The following ALKBH8 variants were observed in gnomAD, a reference collection of about 807,000 sequenced individuals.
ALKBH8 encodes alkB homolog 8, tRNA methyltransferase, also known as tRNA (carboxymethyluridine(34)-5-O)-methyltransferase ALKBH8.
ALKBH8 carries 36 observed loss-of-function variants against 59.8 expected under a neutral mutation model. The ratio of observed to expected loss-of-function variants is 0.60; its 90% CI spans 0.46 to 0.79. The LOEUF (loss-of-function observed/expected upper bound fraction) is 0.79. Among genes scored for constraint, ALKBH8 ranks in the 30% least tolerant of loss-of-function variants. The probability of loss-of-function intolerance (pLI) is 0.00; values close to 1 mark genes in which losing one functional copy is unlikely to be tolerated. For synonymous variants in ALKBH8, 276 were observed against 273.6 expected (o/e 1.01, Z -0.09); for missense variants, 768 against 801.0 (o/e 0.96, Z 0.50).
intron 7 of ALKBH8, among the ~76,000 whole-genome samples, chr11:107,538,567 G>C (rs1021728884): frequency 6.6e-6 from 1 of 152,188 alleles, no homozygotes; most frequent in Non-Finnish European, 1.5e-5. Context: ...GGGCATGACT[G>C]AGGATAATGT....
chr11:107,517,247 C>T (rs80079605), intron 10 of ALKBH8, among the ~76,000 whole-genome samples: 7,387 of 152,010 alleles, frequency 0.049, 369 homozygotes, highest in East Asian at 0.22. Context: ...TGGCCATTAT[C>T]AAAGAGACAA....
chr11:107,540,560 T>C (rs1458146757), intron 7 of ALKBH8, among the ~76,000 whole-genome samples: 2 of 152,202 alleles, frequency 1.3e-5, no homozygotes, highest in Non-Finnish European at 2.9e-5. Context: ...TTAGCCACCA[T>C]TGCACATCCA....
Position 107,503,353 on chromosome 11 carries a change from T to G in ALKBH8, c.*1305A>C, listed in dbSNP as rs1258624325. ...TTGATCACTATAGGTTTCTGAAAAC[T>G]TGATGCTTCAAGATTAAGTATCACT... is the stretch of plus-strand genomic sequence containing the variant. On this transcript the variant is annotated 3_prime_UTR_variant, in exon 12 of 12. Transcript: ENST00000428149. The G allele has an allele frequency of 1.3e-5, 2 of 152,184 alleles. No individual in the cohort carries two copies. The highest frequency in any genetic ancestry group is 4.8e-5 in the African/African-American group (2 of 41,456). The allele number at this position is 152,184 out of a possible 1,614,324, so 9.4% of individuals were successfully genotyped here.
chr11:107,545,660 C>A (rs1464797556), intron 7 of ALKBH8, among the ~76,000 whole-genome samples: 1 of 152,206 alleles, frequency 6.6e-6, no homozygotes, highest in Non-Finnish European at 1.5e-5. Flanking sequence ...AAAATTAGTA[C>A]TTGCCCAAAT....
At chr11:107,510,811 C>T (rs1246356070) in intron 11 of ALKBH8, 76 bp downstream of exon 11, 7 of 1,479,790 alleles carry the variant, frequency 4.7e-6, no homozygotes, top group Non-Finnish European at 6.3e-6. Context: ...AAACAGGGTC[C>T]AAAATCAGCA....
chr11:107,543,023 G>T (rs182725385), intron 7 of ALKBH8, among the ~76,000 whole-genome samples: 43 of 152,282 alleles, frequency 2.8e-4, no homozygotes, highest in African/African-American at 1.0e-3. Context: ...GAATGACAGT[G>T]GACGGTGAAT....
At chr11:107,559,037 C>G (rs532611978) in intron 2 of ALKBH8, among the ~76,000 whole-genome samples, 1 of 152,278 alleles carries the variant, frequency 6.6e-6, no homozygotes, top group African/African-American at 2.4e-5. Context: ...GGGCCATTTC[C>G]CCTATAATGT....
At chr11:107,547,454 A>C (rs1299760889) in intron 7 of ALKBH8, among the ~76,000 whole-genome samples, 2 of 152,202 alleles carry the variant, frequency 1.3e-5, no homozygotes, top group African/African-American at 4.8e-5. Context: ...GAACAGATAC[A>C]CCTGAAGGAG....
intron 1 of ALKBH8, chr11:107,565,326 C>G: frequency 1.8e-6 from 1 of 551,038 alleles, no homozygotes; most frequent in Non-Finnish European, 3.3e-6. Flanking sequence ...CATGTTGCAA[C>G]CGTCCTCTCC....
chr11:107,551,705 A>AT (rs1555050253), intron 6 of ALKBH8, 103 bp downstream of exon 6: 302 of 305,622 alleles, frequency 9.9e-4, no homozygotes, highest in African/African-American at 4.0e-3. Context: ...AAAAAAAAAA[A>AT]AATAATAATA....
chr11:107,537,528 G>C (rs992785472), intron 7 of ALKBH8, among the ~76,000 whole-genome samples: 2 of 151,994 alleles, frequency 1.3e-5, no homozygotes, highest in Non-Finnish European at 2.9e-5. Context: ...CACATTGAGG[G>C]GGAACATCAC....
intron 10 of ALKBH8, among the ~76,000 whole-genome samples, chr11:107,512,800 G>GGT (rs1862693864): frequency 1.3e-5 from 2 of 152,258 alleles, no homozygotes; most frequent in Non-Finnish European, 2.9e-5. Context: ...GCCCTTCTGA[G>GGT]AATAAAGACT....
rs1185982624 is a variant in ALKBH8 at position 107,504,591 on chromosome 11, T to C, written c.*67A>G. 31 of 1,514,874 alleles carry C rather than the reference T, an allele frequency of 2.0e-5. No individual in the cohort carries two copies. The highest frequency in any genetic ancestry group is 2.8e-5 in the Non-Finnish European group (31 of 1,120,748). The allele number at this position is 1,514,874 out of a possible 1,614,324, so 93.8% of individuals were successfully genotyped here. A position where few individuals can be genotyped will look rare whatever the true frequency, so the allele number is the denominator to read the frequency against. On this transcript the variant is annotated 3_prime_UTR_variant, in exon 12 of 12. Coordinates refer to ENST00000428149, the MANE Select transcript of ALKBH8 (RefSeq NM_138775.3). The stretch of plus-strand genomic sequence containing the variant: ...TTTTCTCTTTAATTAAAAGGGTAAT[T>C]AATTTATTCTCTCTTTTTTTTTAAG...
chr11:107,552,601 GA>G (rs1462360667), intron 5 of ALKBH8, among the ~76,000 whole-genome samples: 1 of 152,158 alleles, frequency 6.6e-6, no homozygotes, highest in Non-Finnish European at 1.5e-5. Context: ...ACAGGTTGGG[GA>G]ATGGGGAAGT....
intron 10 of ALKBH8, among the ~76,000 whole-genome samples, chr11:107,516,828 C>T (rs935516147): frequency 1.8e-4 from 27 of 152,258 alleles, no homozygotes; most frequent in African/African-American, 6.5e-4. Context: ...TCACTTGAGA[C>T]CAGCCTGGGC....
intron 10 of ALKBH8, among the ~76,000 whole-genome samples, chr11:107,513,388 C>A (rs189605743): frequency 1.2e-4 from 19 of 152,050 alleles, no homozygotes; most frequent in African/African-American, 4.3e-4. Context: ...TTTAAAAAGT[C>A]AAAAAAATAA....
intron 7 of ALKBH8, among the ~76,000 whole-genome samples, chr11:107,537,550 T>C (rs1863869544): frequency 6.6e-6 from 1 of 151,578 alleles, no homozygotes; most frequent in African/African-American, 2.4e-5. Context: ...CACTGGGGCC[T>C]GTTGGAGGGG....
chr11:107,540,398 T>C (rs369293856), intron 7 of ALKBH8, among the ~76,000 whole-genome samples: 70 of 152,330 alleles, frequency 4.6e-4, no homozygotes, highest in African/African-American at 1.6e-3. Context: ...CTGTTTTGTC[T>C]AGCTAAGCTC....
chr11:107,505,200 C>T lies in ALKBH8; in HGVS notation c.1453G>A (p.Ala485Thr), dbSNP rs1462805674. 6.5e-7 allele frequency: 1 copy of T among 1,545,470 alleles called. No individual in the cohort carries two copies. The highest frequency in any genetic ancestry group is 8.7e-7 in the Non-Finnish European group (1 of 1,143,652). The change falls in exon 12 of 12, where the codon GCT becomes ACT. Residue 485 changes from alanine to threonine, a missense_variant. Transcript: ENST00000428149. ...AGGAGTCGAACAATTTCTTGGAGAG[C>T]TGCCACTCTACGCTCCTAATGAAAA... ...HFATAERRVAALQEIVRLLRP... is the reference protein window; with the variant it reads ...HFATAERRVATLQEIVRLLRP...
Sources: allele counts gnomAD v4.1 joint callset (sites outside exome capture counted in the v4.1 genomes callset), GRCh38; gene constraint gnomAD v4.1.1; transcripts MANE v1.5; gene names NCBI Gene and HGNC (gene_info 2026-07-23, HGNC 2026-07-21).